SHISA9: variants seen among roughly 807,000 people sequenced by gnomAD.
SHISA9 encodes shisa family member 9, also known as protein shisa-9.
In SHISA9, 13 loss-of-function variants were observed where a neutral mutation model predicts 38.0. The observed-to-expected ratio is 0.34, with a 90% CI of 0.22 to 0.54. The LOEUF (loss-of-function observed/expected upper bound fraction) is 0.54, where lower values mean the gene tolerates loss of function less well. SHISA9 is among the 20% of genes least tolerant of loss of function. SHISA9 has a pLI of 0.91. For synonymous variants in SHISA9, 275 were observed against 242.0 expected, an observed-to-expected ratio of 1.14 and a Z score of -1.27; for missense variants, 538 against 575.8, an observed-to-expected ratio of 0.93 and a Z score of 0.67.
the SHISA9 span, among the ~76,000 whole-genome samples, chr16:13,484,639 A>G: frequency 1.3e-5 from 2 of 152,210 alleles, no homozygotes; most frequent in East Asian, 3.9e-4. Flanking sequence ...ATTTATAAAG[A>G]AAAGAGATTT....
intron 2 of SHISA9, among the ~76,000 whole-genome samples, chr16:12,976,952 C>G (rs34460306): frequency 0.18 from 28,051 of 152,082 alleles, 3,381 homozygotes; most frequent in Middle Eastern, 0.31. Context: ...TTGAGGGTTG[C>G]GTGGTTTCTC....
the SHISA9 span, among the ~76,000 whole-genome samples, chr16:13,245,660 C>G: frequency 2.6e-5 from 4 of 152,118 alleles, no homozygotes; most frequent in African/African-American, 9.7e-5. Flanking sequence ...CAAAGTAACC[C>G]AGGAAGTCAG....
chr16:12,997,107 C>G (rs1340066565), intron 2 of SHISA9, among the ~76,000 whole-genome samples: 1 of 152,118 alleles, frequency 6.6e-6, no homozygotes, highest in Non-Finnish European at 1.5e-5. Flanking sequence ...TCATCACCCC[C>G]CAAATTCCCT....
At chr16:12,989,218 T>TC in intron 2 of SHISA9, among the ~76,000 whole-genome samples, 1 of 152,032 alleles carries the variant, frequency 6.6e-6, no homozygotes, top group Non-Finnish European at 1.5e-5. Flanking sequence ...GCTGTTTTTT[T>TC]GTTTTTTGTG....
At position 12,907,660 on chromosome 16, in the gene SHISA9, T is replaced by C. The variant is rs2071120598; in HGVS notation, c.563+5033T>C. Among the ~76,000 whole-genome samples, 3 of 152,330 alleles carry C rather than the reference T, an allele frequency of 2.0e-5. No individual in the cohort carries two copies. In the South Asian group the frequency reaches 6.2e-4, roughly 32 times the overall value. On this transcript the variant is annotated intron_variant, in intron 1 of 4. Coordinates refer to ENST00000558583, the MANE Select transcript of SHISA9 (RefSeq NM_001145204.3). The stretch of plus-strand genomic sequence containing the variant: ...TTGCACATCGGGACCCAGCTCATTG[T>C]ATTTGGCTGTGAAATCTCTTTAGTC...
chr16:13,442,316 A>ATT, the SHISA9 span, among the ~76,000 whole-genome samples: 40,820 of 150,808 alleles, frequency 0.27, 6,270 homozygotes, highest in East Asian at 0.51. Context: ...CAAGGAAACA[A>ATT]TTTTTTTTTT....
chr16:13,354,416 T>A, the SHISA9 span, among the ~76,000 whole-genome samples: 4 of 149,868 alleles, frequency 2.7e-5, no homozygotes, highest in African/African-American at 9.9e-5. Context: ...GATACAGTCA[T>A]GGGGGTCAGG....
At chr16:13,316,488 G>A in the SHISA9 span, among the ~76,000 whole-genome samples, 1 of 152,098 alleles carries the variant, frequency 6.6e-6, no homozygotes, top group African/African-American at 2.4e-5. Flanking sequence ...CCACAATCAT[G>A]GAATTCTGAT....
chr16:13,541,620 A>C, the SHISA9 span, among the ~76,000 whole-genome samples: 3 of 152,198 alleles, frequency 2.0e-5, no homozygotes, highest in African/African-American at 7.2e-5. Flanking sequence ...AAACTCATGA[A>C]ATATCTGATT....
chr16:13,294,316 G>T, the SHISA9 span, among the ~76,000 whole-genome samples: 36 of 152,322 alleles, frequency 2.4e-4, no homozygotes, highest in African/African-American at 8.4e-4. Flanking sequence ...TGCTGGGTTT[G>T]TTAATACGTC....
At chr16:13,322,210 G>T in the SHISA9 span, among the ~76,000 whole-genome samples, 1 of 152,198 alleles carries the variant, frequency 6.6e-6, no homozygotes, top group African/African-American at 2.4e-5. Flanking sequence ...CAGCAAATCA[G>T]CCAGTGTTGA....
At chr16:13,314,051 TG>T in the SHISA9 span, among the ~76,000 whole-genome samples, 44,452 of 152,008 alleles carry the variant, frequency 0.29, 6,911 homozygotes, top group East Asian at 0.49. Flanking sequence ...CTGTACCTCA[TG>T]GGTGGGTTCC....
intron 2 of SHISA9, among the ~76,000 whole-genome samples, chr16:13,116,418 G>C (rs1463601323): frequency 1.3e-5 from 2 of 152,214 alleles, no homozygotes; most frequent in African/African-American, 2.4e-5. Context: ...TAGTATGGCA[G>C]AGTGACATTG....
the SHISA9 span, among the ~76,000 whole-genome samples, chr16:13,293,419 T>G: frequency 1.3e-5 from 2 of 152,198 alleles, no homozygotes; most frequent in Non-Finnish European, 2.9e-5. Flanking sequence ...AATCGTGCAG[T>G]GGTTGAGAGC....
chr16:13,181,290 TATATATATATATATATATATATACAC>T (rs902819360), intron 2 of SHISA9, among the ~76,000 whole-genome samples: 25 of 43,574 alleles, frequency 5.7e-4, no homozygotes, highest in Middle Eastern at 8.3e-3. Flanking sequence ...TATATATATA[TATATATATATATATATATATATACAC>T]ACACACACAC....
the SHISA9 span, among the ~76,000 whole-genome samples, chr16:13,487,674 A>G: frequency 7.9e-5 from 12 of 152,222 alleles, no homozygotes; most frequent in African/African-American, 2.7e-4. Context: ...TATACTTTAA[A>G]TCATCTCTAG....
At chr16:13,186,488 G>A (rs1404230349) in intron 2 of SHISA9, among the ~76,000 whole-genome samples, 1 of 151,542 alleles carries the variant, frequency 6.6e-6, no homozygotes, top group Non-Finnish European at 1.5e-5. Context: ...AGTAGAGATG[G>A]GATTTCACCA....
chr16:13,292,675 A>G, the SHISA9 span, among the ~76,000 whole-genome samples: 2 of 152,134 alleles, frequency 1.3e-5, no homozygotes, highest in African/African-American at 4.8e-5. Context: ...GAGAGGAAGT[A>G]ATACAAAAAA....
intron 3 of SHISA9, among the ~76,000 whole-genome samples, chr16:13,205,682 T>G (rs1456686314): frequency 1.3e-5 from 2 of 152,212 alleles, no homozygotes. Flanking sequence ...CTCCCTGGTC[T>G]TGTTTCTAGT....
Sources: gnomAD v4.1 joint callset for allele counts (sites outside exome capture counted in the v4.1 genomes callset) on GRCh38, gnomAD v4.1.1 for gene constraint, MANE v1.5 for transcripts, NCBI Gene and HGNC (gene_info 2026-07-23, HGNC 2026-07-21) for gene names.